The following CTBP2 variants were observed in gnomAD, a reference collection of about 807,000 sequenced individuals.
CTBP2 encodes C-terminal binding protein 2.
In CTBP2, 30 loss-of-function variants were observed where a neutral mutation model predicts 80.3. The ratio of observed to expected loss-of-function variants is 0.37; its 90% confidence interval spans 0.28 to 0.51. The LOEUF is 0.51. CTBP2 is among the 20% of genes least tolerant of loss of function. The pLI, the probability that CTBP2 is intolerant of heterozygous loss-of-function variation, is 0.93. For missense variants in CTBP2, 1,212 were observed against 1,375.3 expected, an observed-to-expected ratio of 0.88 and a Z score of 1.88; for synonymous variants, 594 against 587.4, an observed-to-expected ratio of 1.01 and a Z score of -0.16.
At chr10:125,059,022 C>T (rs1964478004) in intron 2 of CTBP2, among the ~76,000 whole-genome samples, 1 of 152,112 alleles carries the variant, frequency 6.6e-6, no homozygotes, top group Admixed American at 6.5e-5. Context: ...ATTTCCTTAC[C>T]ACTAGGATGG....
intron 1 of CTBP2, among the ~76,000 whole-genome samples, chr10:125,140,999 G>T (rs957148148): frequency 1.3e-5 from 2 of 151,668 alleles, no homozygotes; most frequent in African/African-American, 2.4e-5. Flanking sequence ...AATTAGCCAG[G>T]CCTGACAGAC....
At chr10:125,083,466 C>T (rs370627338) in intron 2 of CTBP2, among the ~76,000 whole-genome samples, 15 of 152,254 alleles carry the variant, frequency 9.9e-5, no homozygotes, top group African/African-American at 3.1e-4. Context: ...CCGACCTGGG[C>T]GAGGATACCG....
At chr10:125,058,516 G>A (rs1159177670) in intron 2 of CTBP2, among the ~76,000 whole-genome samples, 1 of 152,218 alleles carries the variant, frequency 6.6e-6, no homozygotes, top group Non-Finnish European at 1.5e-5. Context: ...CCACGGCCGG[G>A]CGCGGTGGCT....
chr10:125,089,473 A>T (rs908800107), intron 2 of CTBP2, among the ~76,000 whole-genome samples: 3 of 152,196 alleles, frequency 2.0e-5, no homozygotes, highest in Admixed American at 6.5e-5. Context: ...TGGAGCTATT[A>T]AAGGACCCTT....
rs372742362 is a variant in CTBP2, at chr10:125,026,398, C to A, written c.1362G>T (p.Thr454=). The A allele has an allele frequency of 1.2e-6, 2 of 1,609,264 alleles. No individual in the cohort carries two copies. Among genetic ancestry groups the A allele is most frequent in the Admixed American group, 3.3e-5 (2 of 59,840 alleles). Reference sequence around the variant, plus strand: ...AGGCCACCCCTGCCTGCAGGGGGTACGTGGGGCTCAGACGCGCTGTCAGGG... The same window carrying A: ...AGGCCACCCCTGCCTGCAGGGGGTAAGTGGGGCTCAGACGCGCTGTCAGGG... The change falls in exon 1 of 9, where the codon ACG becomes ACT. Residue 454 remains threonine (T), a synonymous_variant. Coordinates refer to ENST00000309035, the MANE Select transcript of CTBP2 (RefSeq NM_022802.3).
rs1179951541 is a variant in CTBP2 at position 125,027,257 on chromosome 10, G to C, written c.503C>G (p.Pro168Arg). The C allele has an allele frequency of 1.2e-6, 2 of 1,613,702 alleles. No homozygotes were observed. Among genetic ancestry groups the C allele is most frequent in the Non-Finnish European group, 1.7e-6 (2 of 1,179,994 alleles). ...CCCCTGAGGGATCATTTTACCTCCAGGATCCCGGTACAGGTGACCGGCGTC... is the reference window on the plus strand; with the variant it reads ...CCCCTGAGGGATCATTTTACCTCCACGATCCCGGTACAGGTGACCGGCGTC... The change falls in exon 1 of 9, where the codon CCT becomes CGT. Residue 168 changes from proline (P) to arginine (R), a missense_variant. By Grantham distance (103) the Pro-to-Arg change is moderately radical. Coordinates refer to ENST00000309035, the MANE Select transcript of CTBP2 (RefSeq NM_022802.3).
chr10:125,069,220 A>G (rs1225643589), intron 2 of CTBP2, among the ~76,000 whole-genome samples: 2 of 152,196 alleles, frequency 1.3e-5, no homozygotes, highest in Non-Finnish European at 2.9e-5. Context: ...TATTGACAAC[A>G]CTACAAATTG....
At chr10:125,035,268 T>G (rs1208292630) in intron 3 of CTBP2, among the ~76,000 whole-genome samples, 1 of 152,214 alleles carries the variant, frequency 6.6e-6, no homozygotes. Flanking sequence ...CAGCTCAACG[T>G]TCTCATTCCT....
At chr10:125,152,594 CTG>C (rs777168173) in intron 1 of CTBP2, among the ~76,000 whole-genome samples, 5 of 152,152 alleles carry the variant, frequency 3.3e-5, no homozygotes, top group Non-Finnish European at 7.4e-5. Flanking sequence ...AGATTAATGA[CTG>C]TGAAATGTTT....
chr10:125,006,119 C>A, intron 1 of CTBP2: 1 of 778,424 alleles, frequency 1.3e-6, no homozygotes, highest in Admixed American at 4.3e-5. Context: ...TGCCTTTCTC[C>A]TTGGTGAAAC....
intron 2 of CTBP2, among the ~76,000 whole-genome samples, chr10:125,041,828 T>G (rs570578781): frequency 1.7e-4 from 26 of 152,194 alleles, no homozygotes; most frequent in African/African-American, 6.0e-4. Flanking sequence ...TTAATTTGTA[T>G]AATTAGATGG....
intron 1 of CTBP2, among the ~76,000 whole-genome samples, chr10:125,129,984 G>C (rs531144724): frequency 1.4e-4 from 22 of 151,938 alleles, no homozygotes; most frequent in Non-Finnish European, 3.1e-4. Flanking sequence ...CATGCTGGCT[G>C]TACAGGGCTT....
At chr10:125,131,692 A>C (rs920136236) in intron 1 of CTBP2, among the ~76,000 whole-genome samples, 4 of 152,228 alleles carry the variant, frequency 2.6e-5, no homozygotes, top group African/African-American at 9.6e-5. Context: ...AATCACAAGA[A>C]CATCAGGCTC....
At chr10:125,150,974 G>A (rs1011744212) in intron 1 of CTBP2, among the ~76,000 whole-genome samples, 1 of 151,294 alleles carries the variant, frequency 6.6e-6, no homozygotes, top group African/African-American at 2.4e-5. Context: ...GCCAAGCACA[G>A]CGCTGTCCTC....
intron 3 of CTBP2, among the ~76,000 whole-genome samples, chr10:125,033,394 C>A (rs936443600): frequency 6.6e-6 from 1 of 152,300 alleles, no homozygotes; most frequent in Non-Finnish European, 1.5e-5. Context: ...CGCCAAGGTG[C>A]CTGAGCTTTA....
chr10:125,081,733 A>G (rs1188515517), intron 2 of CTBP2, among the ~76,000 whole-genome samples: 2 of 152,174 alleles, frequency 1.3e-5, no homozygotes, highest in Non-Finnish European at 2.9e-5. Context: ...ATCAAGATTG[A>G]CTGATATTTT....
intron 1 of CTBP2, among the ~76,000 whole-genome samples, chr10:125,155,421 T>C (rs1011813786): frequency 1.6e-4 from 24 of 152,114 alleles, no homozygotes; most frequent in African/African-American, 5.3e-4. Context: ...TTTTACACAA[T>C]GTGCAAAGCC....
chr10:125,070,597 T>C (rs1845322703), intron 2 of CTBP2, among the ~76,000 whole-genome samples: 1 of 149,994 alleles, frequency 6.7e-6, no homozygotes, highest in Non-Finnish European at 1.5e-5. Flanking sequence ...GATTACCAAT[T>C]TTAATACGGA....
intron 1 of CTBP2, among the ~76,000 whole-genome samples, chr10:125,134,596 A>G (rs1693623): frequency 0.059 from 9,023 of 152,214 alleles, 849 homozygotes; most frequent in African/African-American, 0.2. Flanking sequence ...GAAGCCCACA[A>G]AGGCTGGAGA....
Sources: allele counts gnomAD v4.1 joint callset (sites outside exome capture counted in the v4.1 genomes callset), GRCh38; gene constraint gnomAD v4.1.1; transcripts MANE v1.5; gene names NCBI Gene and HGNC (gene_info 2026-07-23, HGNC 2026-07-21).